METTL15: variants seen among roughly 807,000 people sequenced by gnomAD.
The protein encoded by METTL15 is 12S rRNA N(4)-cytidine methyltransferase METTL15.
Under a neutral mutation model 38.3 loss-of-function variants are expected in METTL15, and 34 were observed. The observed-to-expected ratio is 0.89, with a 90% CI of 0.68 to 1.18. The LOEUF is 1.18. Ranked by LOEUF, METTL15 falls within the 50% of genes most tolerant of loss-of-function variation. The pLI is 0.00. For missense variants in METTL15, 438 were observed against 498.4 expected, an observed-to-expected ratio of 0.88 and a Z score of 1.15; for synonymous variants, 162 against 170.9, an observed-to-expected ratio of 0.95 and a Z score of 0.41.
chr11:28,151,148 C>T (rs1850074449), intron 3 of METTL15, among the ~76,000 whole-genome samples: 1 of 151,632 alleles, frequency 6.6e-6, no homozygotes, highest in African/African-American at 2.4e-5. Flanking sequence ...TGTATTTGGA[C>T]CTGAATTAAA....
chr11:28,399,268 C>G (rs1185009155), intron 5 of METTL15, among the ~76,000 whole-genome samples: 1 of 151,864 alleles, frequency 6.6e-6, no homozygotes, highest in African/African-American at 2.4e-5. Context: ...GAAACTGGAC[C>G]CCTTCCTTAC....
chr11:28,376,728 T>G (rs886853406), intron 5 of METTL15, among the ~76,000 whole-genome samples: 6 of 151,904 alleles, frequency 3.9e-5, no homozygotes, highest in Admixed American at 6.6e-5. Context: ...ATTTTGCTCG[T>G]TAGTTGATGC....
chr11:28,295,998 G>A (rs1856719552), intron 5 of METTL15, among the ~76,000 whole-genome samples: 1 of 152,080 alleles, frequency 6.6e-6, no homozygotes, highest in African/African-American at 2.4e-5. Context: ...AAGGTAAACA[G>A]GAATGGTCTG....
intron 4 of METTL15, among the ~76,000 whole-genome samples, chr11:28,222,531 C>G (rs919979811): frequency 6.6e-6 from 1 of 152,212 alleles, no homozygotes; most frequent in Non-Finnish European, 1.5e-5. Context: ...CCTGCTTTGG[C>G]TCACGCTTGG....
chr11:28,158,849 A>G (rs187075213), intron 3 of METTL15, among the ~76,000 whole-genome samples: 5 of 152,296 alleles, frequency 3.3e-5, no homozygotes, highest in Non-Finnish European at 7.3e-5. Context: ...AGTCACAATT[A>G]CAATGCCAAC....
chr11:28,462,555 T>G (rs1344481650), intron 6 of METTL15, among the ~76,000 whole-genome samples: 1 of 151,608 alleles, frequency 6.6e-6, no homozygotes. Flanking sequence ...TACTCAGAAT[T>G]ATAGGAAATA....
intron 5 of METTL15, among the ~76,000 whole-genome samples, chr11:28,368,882 C>A (rs1430961019): frequency 6.6e-6 from 1 of 152,040 alleles, no homozygotes; most frequent in African/African-American, 2.4e-5. Flanking sequence ...AACCATCATT[C>A]TCAGCAAACT....
chr11:28,261,441 C>A, intron 4 of METTL15: 1 of 156,804 alleles, frequency 6.4e-6, no homozygotes, highest in Non-Finnish European at 1.5e-5. Flanking sequence ...GGGACACCCA[C>A]CTTGTCAGCC....
chr11:28,245,194 T>C (rs1482895931), intron 4 of METTL15, among the ~76,000 whole-genome samples: 1 of 152,222 alleles, frequency 6.6e-6, no homozygotes, highest in Non-Finnish European at 1.5e-5. Context: ...GCTCTACCCT[T>C]ACTCACTGTG....
At chr11:28,432,004 C>A (rs1454043505) in intron 6 of METTL15, among the ~76,000 whole-genome samples, 1 of 152,088 alleles carries the variant, frequency 6.6e-6, no homozygotes, top group Non-Finnish European at 1.5e-5. Context: ...ATGGAGGAAT[C>A]CTTCCATTAA....
intron 3 of METTL15, among the ~76,000 whole-genome samples, chr11:28,200,426 C>T (rs1852066732): frequency 1.3e-5 from 2 of 152,056 alleles, no homozygotes; most frequent in Admixed American, 1.3e-4. Context: ...TAGCATTGTG[C>T]TTGTCATAAA....
chr11:28,137,047 TA>T (rs1186969826), intron 3 of METTL15, among the ~76,000 whole-genome samples: 2 of 870 alleles, frequency 2.3e-3, no homozygotes, highest in Non-Finnish European at 0.032. Flanking sequence ...ACTTTATAGA[TA>T]ATTTTTATCC....
At chr11:28,354,570 T>A (rs749845851) in intron 4 of METTL15, among the ~76,000 whole-genome samples, 81 of 152,072 alleles carry the variant, frequency 5.3e-4, no homozygotes, top group Non-Finnish European at 9.4e-4. Flanking sequence ...GTACAGAGAA[T>A]AGAGATCTGG....
At chr11:28,504,747 A>G (rs1449294238) in intron 6 of METTL15, among the ~76,000 whole-genome samples, 1 of 152,242 alleles carries the variant, frequency 6.6e-6, no homozygotes, top group Non-Finnish European at 1.5e-5. Flanking sequence ...ATCGTGATGC[A>G]CATATGTTAA....
In METTL15 at chr11:28,389,988, A is replaced by G. The variant is rs567444037; in HGVS notation, c.*358+27952A>G. On this transcript the variant is annotated intron_variant and NMD_transcript_variant, in intron 5 of 7. Coordinates refer to the METTL15 transcript ENST00000532947. The stretch of plus-strand genomic sequence containing the variant: ...TGCATTTCTCTGATGGCCAGTGATG[A>G]CGAGCATTTTTTCATGTGTCTTTTG... Among the ~76,000 whole-genome samples, 62 of 152,124 alleles carry G rather than the reference A, an allele frequency of 4.1e-4. No individual in the cohort carries two copies. In the East Asian group the frequency reaches 0.012, roughly 29 times the overall value.
chr11:28,474,003 T>C (rs1466428353), intron 6 of METTL15, among the ~76,000 whole-genome samples: 2 of 151,986 alleles, frequency 1.3e-5, no homozygotes, highest in Non-Finnish European at 2.9e-5. Context: ...TGTGAAAGAC[T>C]CTAGAGTATG....
At chr11:28,413,946 A>G (rs1850750728) in intron 5 of METTL15, among the ~76,000 whole-genome samples, 1 of 152,098 alleles carries the variant, frequency 6.6e-6, no homozygotes, top group African/African-American at 2.4e-5. Flanking sequence ...TAACATTCCT[A>G]TTTGTGCACT....
At chr11:28,179,728 A>G (rs1851214840) in intron 3 of METTL15, among the ~76,000 whole-genome samples, 1 of 151,778 alleles carries the variant, frequency 6.6e-6, no homozygotes, top group South Asian at 2.1e-4. Flanking sequence ...TCATATGAAC[A>G]TCCTCATATG....
intron 5 of METTL15, among the ~76,000 whole-genome samples, chr11:28,399,737 A>G (rs988657222): frequency 1.3e-5 from 2 of 151,922 alleles, no homozygotes; most frequent in Non-Finnish European, 2.9e-5. Flanking sequence ...GCATTTCCTT[A>G]TTGATAATGA....
Sources: gnomAD v4.1 joint callset for allele counts (sites outside exome capture counted in the v4.1 genomes callset) on GRCh38, gnomAD v4.1.1 for gene constraint, MANE v1.5 for transcripts, NCBI Gene and HGNC (gene_info 2026-07-23, HGNC 2026-07-21) for gene names.